Variants in SLC5A5 observed in about 807,000 individuals in gnomAD.
SLC5A5 encodes the protein solute carrier family 5 member 5.
In SLC5A5, 56 loss-of-function variants were observed where a neutral mutation model predicts 68.6. That is an observed-to-expected ratio of 0.82 (90% CI 0.66 to 1.02). The LOEUF is 1.02. Ranked by LOEUF, SLC5A5 falls within the 50% of genes least tolerant of loss-of-function variation. The pLI is 0.00. For synonymous variants in SLC5A5, 398 were observed against 373.0 expected, an observed-to-expected ratio of 1.07 and a Z score of -0.77; for missense variants, 807 against 859.8, an observed-to-expected ratio of 0.94 and a Z score of 0.77.
chr19:17,887,956 C>A (rs1276148697), intron 12 of SLC5A5, among the ~76,000 whole-genome samples: 1 of 152,042 alleles, frequency 6.6e-6, no homozygotes, highest in Admixed American at 6.6e-5. Context: ...TCTTTGGTGG[C>A]TTTTGCTTTT....
In SLC5A5 at chr19:17,894,033, G is replaced by C. The variant is rs2030310248; in HGVS notation, c.*156G>C. On this transcript the variant is annotated 3_prime_UTR_variant, in exon 15 of 15. Coordinates refer to ENST00000222248, the MANE Select transcript of SLC5A5 (RefSeq NM_000453.3). ...ATACCCTACCCTATGGGGAGGCCCT[G>C]CCTCCGGGAGGTCATTTTTTAAATC... 2 of 724,906 alleles carry C rather than the reference G, an allele frequency of 2.8e-6. No homozygotes were observed. The highest frequency in any genetic ancestry group is 5.4e-5 in the East Asian group (2 of 36,976). The allele number at this position is 724,906 out of a possible 1,614,324, so 44.9% of individuals were successfully genotyped here.
intron 3 of SLC5A5, 27 bp downstream of exon 3, chr19:17,874,572 A>T (rs1463371236): frequency 1.2e-6 from 2 of 1,613,160 alleles, no homozygotes; most frequent in East Asian, 2.2e-5. Context: ...TTAGGGAAGC[A>T]TGTCTGGGAA....
At chr19:17,885,366 G>A (rs2147746956) in intron 12 of SLC5A5, among the ~76,000 whole-genome samples, 1 of 148,170 alleles carries the variant, frequency 6.7e-6, no homozygotes, top group Non-Finnish European at 1.5e-5. Context: ...TTTTGGGTGG[G>A]TTTTTTTGCT....
chr19:17,875,949 C>G lies in SLC5A5; in HGVS notation c.544-3C>G, dbSNP rs1568419669. ...CTCTCCCTCTCTCTGTCCCATGCTG[C>G]AGGGCGGCATGAAGGCTGTGGTCTG... On this transcript the variant is annotated splice_polypyrimidine_tract_variant and splice_region_variant and intron_variant, in intron 4 of 14. Transcript: ENST00000222248. 1 of 1,613,978 alleles carries G rather than the reference C, an allele frequency of 6.2e-7. No individual in the cohort carries two copies. Among genetic ancestry groups the G allele is most frequent in the Non-Finnish European group, 8.5e-7 (1 of 1,180,010 alleles).
chr19:17,890,721 T>A (rs756135395), intron 13 of SLC5A5, among the ~76,000 whole-genome samples, 165 bp from the exon 14 acceptor site: 3 of 151,624 alleles, frequency 2.0e-5, no homozygotes, highest in Non-Finnish European at 2.9e-5. Flanking sequence ...ACTGTGTAGA[T>A]GAGGAAACTG....
At position 17,883,908 on chromosome 19, in the gene SLC5A5, C is replaced by A; in HGVS notation, c.1388C>A (p.Ala463Asp). ...LALSLWVALG[A>D]TLYPPSEQTM... is the part of the protein sequence containing the mutation. ...CTGTCGCTGTGGGTGGCCTTGGGCG[C>A]CACGCTGTACCCACCCAGCGAGCAG... The change falls in exon 12 of 15, where the codon GCC becomes GAC. Residue 463 changes from alanine to aspartate, a missense_variant. Coordinates refer to ENST00000222248, the MANE Select transcript of SLC5A5 (RefSeq NM_000453.3). 1 of 1,567,500 alleles carries A rather than the reference C, an allele frequency of 6.4e-7. No homozygotes were observed. Among genetic ancestry groups the A allele is most frequent in the South Asian group, 1.2e-5 (1 of 86,532 alleles).
At chr19:17,877,300 T>C (rs2094309768) in intron 5 of SLC5A5, among the ~76,000 whole-genome samples, 1 of 151,988 alleles carries the variant, frequency 6.6e-6, no homozygotes, top group South Asian at 2.1e-4. Context: ...ATTTATTTAT[T>C]TTTAATTTAA....
rs1417364557 is a variant in SLC5A5 at position 17,875,610 on chromosome 19, CA to C, written c.544-334del. On this transcript the variant is annotated intron_variant, in intron 4 of 14. Coordinates refer to ENST00000222248, the MANE Select transcript of SLC5A5 (RefSeq NM_000453.3). Reference sequence around the variant, plus strand: ...AGACCCCCCCCCGCCCCCATCTCTACAAAAAAAATTTTTTTTAAATTAGTCG... The same window carrying C: ...AGACCCCCCCCCGCCCCCATCTCTACAAAAAAATTTTTTTTAAATTAGTCG... Among the ~76,000 whole-genome samples, 1,031 of 142,872 alleles carry C rather than the reference CA, an allele frequency of 7.2e-3. 5 individuals are homozygous for C. Among genetic ancestry groups the C allele is most frequent in the Non-Finnish European group, 0.012 (816 of 66,648 alleles). The allele number at this position is 142,872 out of a possible 152,430, so 93.7% of individuals were successfully genotyped here.
At chr19:17,876,255 A>T (rs1599912841) in intron 5 of SLC5A5, 149 bp downstream of exon 5, 2 of 783,672 alleles carry the variant, frequency 2.6e-6, no homozygotes, top group East Asian at 2.8e-5. Context: ...CATGGTGAAA[A>T]CCCATCTCTA....
rs772315356 is a variant in SLC5A5, at chr19:17,882,208, G to A, written c.1231G>A (p.Gly411Ser). 1.9e-6 allele frequency: 3 copies of A among 1,613,650 alleles called. No homozygotes were observed. The highest frequency in any genetic ancestry group is 1.7e-5 in the Admixed American group (1 of 59,992). ...AGCCCTGTCCTCACTGCTCGGAGGA[G>A]GTGTCCTTCAGGTGAGACCCCACCT... ...VAALSSLLGG[G>S]VLQGSFTVMG... Residue 411 changes from glycine (G) to serine (S), a missense_variant, in exon 10 of 15, where the codon GGT (glycine) becomes AGT (serine). Gly to Ser is a moderately conservative substitution (Grantham distance 56). Coordinates refer to ENST00000222248, the MANE Select transcript of SLC5A5 (RefSeq NM_000453.3).
intron 1 of SLC5A5, among the ~76,000 whole-genome samples, chr19:17,873,934 C>T (rs2094300360): frequency 6.6e-6 from 1 of 152,352 alleles, no homozygotes; most frequent in African/African-American, 2.4e-5. Context: ...ATGGACCAGT[C>T]CTCCAGGTCC....
rs2094296554 is a variant in SLC5A5, at chr19:17,872,443, C to T, written c.124C>T (p.Arg42Cys). Residue 42 changes from arginine (R) to cysteine (C), a missense_variant, in exon 1 of 15, where the codon CGC (arginine) becomes TGC (cysteine). Coordinates refer to ENST00000222248, the MANE Select transcript of SLC5A5 (RefSeq NM_000453.3). ...GGTCGGGCTGGCTCGGGGCGGGCAGCGCAGCGCTGAGGACTTCTTCACCGG... is the reference window on the plus strand; with the variant it reads ...GGTCGGGCTGGCTCGGGGCGGGCAGTGCAGCGCTGAGGACTTCTTCACCGG... Reference protein sequence around the residue: ...LWVGLARGGQRSAEDFFTGGR... With the variant: ...LWVGLARGGQCSAEDFFTGGR... 5 of 1,609,488 alleles carry T rather than the reference C, an allele frequency of 3.1e-6. No individual in the cohort carries two copies. In the East Asian group the frequency reaches 8.9e-5, roughly 29 times the overall value.
rs571569096 is a variant in SLC5A5, at chr19:17,875,171, A to T, written c.543+440A>T. 1.4e-4 allele frequency among the ~76,000 whole-genome samples: 21 copies of T among 152,098 alleles called. No homozygotes were observed. The East Asian group carries it at 4.1e-3, about 29-fold the overall frequency. ...GATCACCTAAGGTCAGGAGTTCGAG[A>T]CCAGCCTGGCCAACATGATGAAACC... On this transcript the variant is annotated intron_variant, in intron 4 of 14. Transcript: ENST00000222248.
Position 17,875,954 on chromosome 19 carries a change from C to T in SLC5A5, c.546C>T (p.Gly182=), listed in dbSNP as rs8103545. The T allele has an allele frequency of 3.0e-3, 4,922 of 1,614,028 alleles. 106 individuals carry two copies. In the African/African-American group the frequency reaches 0.054, roughly 18 times the overall value. ...GIICTFYTAV[G]GMKAVVWTDV... The stretch of plus-strand genomic sequence containing the variant: ...CCTCTCTCTGTCCCATGCTGCAGGG[C>T]GGCATGAAGGCTGTGGTCTGGACTG... The change falls in exon 5 of 15, where the codon GGC becomes GGT. Residue 182 remains glycine (G), a splice_region_variant and synonymous_variant. Transcript: ENST00000222248.
intron 14 of SLC5A5, among the ~76,000 whole-genome samples, chr19:17,893,044 A>G (rs1305116281): frequency 1.5e-5 from 1 of 68,962 alleles, no homozygotes; most frequent in Non-Finnish European, 3.2e-5. Context: ...TTATTATTTT[A>G]TTTTTCTTTT....
chr19:17,873,035 C>G (rs1388706311), intron 1 of SLC5A5, among the ~76,000 whole-genome samples: 3 of 152,184 alleles, frequency 2.0e-5, no homozygotes, highest in Non-Finnish European at 4.4e-5. Flanking sequence ...GCTGACGGCT[C>G]CGGGGTTCGA....
intron 13 of SLC5A5, 57 bp downstream of exon 13, chr19:17,888,512 G>A (rs1450841732): frequency 5.6e-6 from 9 of 1,603,808 alleles, no homozygotes; most frequent in Non-Finnish European, 7.7e-6. Flanking sequence ...TCTGCCTCAA[G>A]GCTCCACCCA....
intron 2 of SLC5A5, 95 bp downstream of exon 2, chr19:17,874,298 GC>G (rs1024212136): frequency 2.0e-4 from 38 of 192,714 alleles, no homozygotes; most frequent in Middle Eastern, 1.2e-3. Flanking sequence ...CCCAGACCCC[GC>G]CCCCCATGCT....
At position 17,882,803 on chromosome 19, in the gene SLC5A5, C is replaced by A. The variant is rs549885885; in HGVS notation, c.1242+584C>A. 7.2e-5 allele frequency among the ~76,000 whole-genome samples: 11 copies of A among 152,284 alleles called. No homozygotes were observed. The South Asian group carries it at 2.3e-3, about 32-fold the overall frequency. ...GGTTCACGCCATTCTCCTGCCTCAG[C>A]CTCCCGAGTAGCTGGGACTACAAGC... is the stretch of plus-strand genomic sequence containing the variant. On this transcript the variant is annotated intron_variant, in intron 10 of 14. Coordinates refer to ENST00000222248, the MANE Select transcript of SLC5A5 (RefSeq NM_000453.3).
Sources: gnomAD v4.1 joint callset for allele counts (sites outside exome capture counted in the v4.1 genomes callset) on GRCh38, gnomAD v4.1.1 for gene constraint, MANE v1.5 for transcripts, NCBI Gene and HGNC (gene_info 2026-07-23, HGNC 2026-07-21) for gene names.